PDE4D: variants seen among roughly 807,000 people sequenced by gnomAD.
PDE4D encodes 3',5'-cyclic-AMP phosphodiesterase 4D.
PDE4D carries 24 observed loss-of-function variants against 87.4 expected under a neutral mutation model. That is an observed-to-expected ratio of 0.27 (90% confidence interval 0.20 to 0.39). The LOEUF is 0.39. Ranked by LOEUF, PDE4D falls within the 10% of genes least tolerant of loss-of-function variation. The pLI, the probability that PDE4D is intolerant of heterozygous loss-of-function variation, is 1.00. For missense variants in PDE4D, 714 were observed against 1,041.0 expected, an observed-to-expected ratio of 0.69 and a Z score of 4.32; for synonymous variants, 384 against 383.2, an observed-to-expected ratio of 1.00 and a Z score of -0.02.
intron 5 of PDE4D, among the ~76,000 whole-genome samples, chr5:59,073,432 G>A (rs895967280): frequency 7.1e-5 from 9 of 126,400 alleles, no homozygotes; most frequent in Non-Finnish European, 1.4e-4. Context: ...AATATGGCAG[G>A]TACAAAAATG....
intron 1 of PDE4D, among the ~76,000 whole-genome samples, chr5:59,367,695 T>A (rs1266854240): frequency 6.6e-6 from 1 of 152,146 alleles, no homozygotes; most frequent in African/African-American, 2.4e-5. Flanking sequence ...TTATTTAAAA[T>A]CAAATCATTA....
intron 5 of PDE4D, among the ~76,000 whole-genome samples, chr5:59,069,087 G>C (rs1406274786): frequency 6.6e-6 from 1 of 152,190 alleles, no homozygotes; most frequent in African/African-American, 2.4e-5. Flanking sequence ...ATGACAAACA[G>C]ATCAGTGCAG....
At chr5:59,023,286 T>C (rs1755567009) in intron 6 of PDE4D, among the ~76,000 whole-genome samples, 1 of 152,184 alleles carries the variant, frequency 6.6e-6, no homozygotes, top group South Asian at 2.1e-4. Context: ...TAGTCATCTT[T>C]ACACTTATTT....
intron 5 of PDE4D, among the ~76,000 whole-genome samples, chr5:59,156,073 G>A (rs1488656785): frequency 6.6e-6 from 1 of 151,990 alleles, no homozygotes; most frequent in Admixed American, 6.6e-5. Context: ...GAGGTGACAG[G>A]TCTTGACTTT....
intron 1 of PDE4D, among the ~76,000 whole-genome samples, chr5:60,366,162 T>C (rs1760523675): frequency 6.6e-6 from 1 of 151,982 alleles, no homozygotes; most frequent in Non-Finnish European, 1.5e-5. Context: ...AGGAAAGGAA[T>C]CACAGCATCT....
intron 3 of PDE4D, among the ~76,000 whole-genome samples, chr5:59,920,855 T>C (rs1754584849): frequency 9.3e-6 from 1 of 107,970 alleles, no homozygotes; most frequent in East Asian, 2.7e-4. Context: ...CACTGGGGCC[T>C]GTCATGTGGT....
chr5:60,128,471 A>G (rs1779299587), intron 2 of PDE4D, among the ~76,000 whole-genome samples: 1 of 152,192 alleles, frequency 6.6e-6, no homozygotes, highest in South Asian at 2.1e-4. Flanking sequence ...GCCTGCTCAT[A>G]GGAAACATCT....
At chr5:59,635,931 G>T (rs1019601277) in intron 1 of PDE4D, among the ~76,000 whole-genome samples, 3 of 152,188 alleles carry the variant, frequency 2.0e-5, no homozygotes, top group African/African-American at 7.2e-5. Flanking sequence ...AATAGGAAGA[G>T]AGGATGTTAA....
intron 2 of PDE4D, among the ~76,000 whole-genome samples, chr5:60,159,939 T>C (rs1782328704): frequency 6.6e-6 from 1 of 152,156 alleles, no homozygotes; most frequent in Admixed American, 6.5e-5. Context: ...AGATTTACAG[T>C]TGATCCTTAA....
intron 1 of PDE4D, among the ~76,000 whole-genome samples, chr5:60,202,423 TC>T (rs1436420120): frequency 6.6e-6 from 1 of 152,160 alleles, no homozygotes; most frequent in East Asian, 1.9e-4. Flanking sequence ...TGCCTTGGCC[TC>T]CCAAAGTACT....
chr5:60,254,850 T>A (rs2149690144), intron 1 of PDE4D, among the ~76,000 whole-genome samples: 1 of 151,960 alleles, frequency 6.6e-6, no homozygotes, highest in South Asian at 2.1e-4. Flanking sequence ...ATTGTAAAAA[T>A]TAAATGAGAA....
At chr5:59,077,073 C>T (rs1765797836) in intron 5 of PDE4D, among the ~76,000 whole-genome samples, 1 of 152,154 alleles carries the variant, frequency 6.6e-6, no homozygotes, top group African/African-American at 2.4e-5. Flanking sequence ...AACTCTGCCA[C>T]TTAAATGCTA....
chr5:59,743,019 A>T (rs1759082391), intron 1 of PDE4D, among the ~76,000 whole-genome samples: 1 of 152,196 alleles, frequency 6.6e-6, no homozygotes. Context: ...CAATCATTAC[A>T]CCAGTAGGTG....
At chr5:60,447,070 C>T (rs577155557) in intron 1 of PDE4D, among the ~76,000 whole-genome samples, 1 of 152,236 alleles carries the variant, frequency 6.6e-6, no homozygotes, top group South Asian at 2.1e-4. Context: ...GGTGTCACTT[C>T]AGCACAGGAG....
rs182758542 is a variant in PDE4D at position 59,228,123 on chromosome 5, G to T, written c.456-12155C>A. 2.0e-4 allele frequency among the ~76,000 whole-genome samples: 30 copies of T among 152,178 alleles called. 1 individual carries two copies. In the East Asian group the frequency reaches 5.4e-3, roughly 27 times the overall value. Reference sequence around the variant, plus strand: ...TGTAGGAACATGGATGGAGCTACAGGCTATTATTTTTAGCAAACTAATGCA... The same window carrying T: ...TGTAGGAACATGGATGGAGCTACAGTCTATTATTTTTAGCAAACTAATGCA... On this transcript the variant is annotated intron_variant, in intron 1 of 14. Transcript: ENST00000340635.
At chr5:59,845,991 T>C (rs187251733) in intron 1 of PDE4D, among the ~76,000 whole-genome samples, 22 of 152,146 alleles carry the variant, frequency 1.4e-4, no homozygotes, top group Non-Finnish European at 1.5e-4. Context: ...TGCGTCAAGC[T>C]GAAACCATTC....
chr5:59,701,729 A>G (rs1270656626), intron 1 of PDE4D, among the ~76,000 whole-genome samples: 3 of 152,192 alleles, frequency 2.0e-5, no homozygotes, highest in Non-Finnish European at 4.4e-5. Context: ...GCAAGACAAG[A>G]AGGCTGTGTG....
At chr5:59,285,372 T>G (rs781144836) in intron 1 of PDE4D, among the ~76,000 whole-genome samples, 57 of 152,236 alleles carry the variant, frequency 3.7e-4, no homozygotes, top group Non-Finnish European at 6.2e-4. Flanking sequence ...CCTGTGCCCT[T>G]TTGTGGCATT....
In PDE4D at chr5:59,365,555, G is replaced by A. The variant is rs537668395; in HGVS notation, c.456-149587C>T. On this transcript the variant is annotated intron_variant, in intron 1 of 14. Coordinates refer to ENST00000340635, the MANE Select transcript of PDE4D (RefSeq NM_001104631.2). Reference sequence around the variant, plus strand: ...TCAAATGAGTTATTTTTGGTGAAACGCCAGTTTGTAACACTGGCCTGGGGG... The same window carrying A: ...TCAAATGAGTTATTTTTGGTGAAACACCAGTTTGTAACACTGGCCTGGGGG... Among the ~76,000 whole-genome samples, 15 of 152,214 alleles carry A rather than the reference G, an allele frequency of 9.9e-5. No homozygotes were observed. The South Asian group carries it at 1.5e-3, about 15-fold the overall frequency.
Sources: allele counts gnomAD v4.1 joint callset (sites outside exome capture counted in the v4.1 genomes callset), GRCh38; gene constraint gnomAD v4.1.1; transcripts MANE v1.5; gene names NCBI Gene and HGNC (gene_info 2026-07-23, HGNC 2026-07-21).